Variants in PDE1C observed in about 807,000 individuals in gnomAD.
The protein encoded by PDE1C is dual specificity calcium/calmodulin-dependent 3',5'-cyclic nucleotide phosphodiesterase 1C.
In PDE1C, 62 loss-of-function variants were observed where a neutral mutation model predicts 93.1. That is an observed-to-expected ratio of 0.67 (90% CI 0.54 to 0.82). PDE1C has a LOEUF of 0.82. Ranked by LOEUF, PDE1C falls within the 40% of genes least tolerant of loss-of-function variation. PDE1C has a pLI of 0.00. For missense variants in PDE1C, 742 were observed against 884.6 expected (o/e 0.84, Z 2.04); for synonymous variants, 325 against 310.1 (o/e 1.05, Z -0.50).
intron 1 of PDE1C, among the ~76,000 whole-genome samples, chr7:32,324,634 G>T (rs2128074589): frequency 6.6e-6 from 1 of 152,336 alleles, no homozygotes; most frequent in Non-Finnish European, 1.5e-5. Flanking sequence ...TCTTACCACA[G>T]AACTCCTCAG....
At chr7:31,623,364 T>G in the PDE1C span, among the ~76,000 whole-genome samples, 1 of 151,880 alleles carries the variant, frequency 6.6e-6, no homozygotes, top group African/African-American at 2.4e-5. Flanking sequence ...AATAAAACAC[T>G]GGCAAACCGA....
At chr7:31,988,991 T>C (rs1398005626) in intron 2 of PDE1C, among the ~76,000 whole-genome samples, 7 of 83,832 alleles carry the variant, frequency 8.4e-5, no homozygotes, top group East Asian at 7.3e-4. Context: ...GTGAAACTTC[T>C]TCTCAAAAAA....
At chr7:31,907,477 T>C (rs1800744786) in intron 2 of PDE1C, among the ~76,000 whole-genome samples, 1 of 152,208 alleles carries the variant, frequency 6.6e-6, no homozygotes, top group Admixed American at 6.5e-5. Flanking sequence ...GAGGTTGTTC[T>C]GTCTGTGAGC....
intron 2 of PDE1C, among the ~76,000 whole-genome samples, chr7:31,920,123 A>G (rs2128956805): frequency 6.6e-6 from 1 of 152,236 alleles, no homozygotes; most frequent in East Asian, 1.9e-4. Flanking sequence ...CATTCAGACA[A>G]GGGCTAGGGT....
At chr7:32,234,909 A>G (rs1807962594) in intron 1 of PDE1C, among the ~76,000 whole-genome samples, 1 of 152,042 alleles carries the variant, frequency 6.6e-6, no homozygotes. Flanking sequence ...AATATAAACA[A>G]ACAGGTAGGG....
intron 2 of PDE1C, among the ~76,000 whole-genome samples, chr7:32,182,029 C>G (rs1277685549): frequency 6.6e-6 from 1 of 152,192 alleles, no homozygotes; most frequent in Non-Finnish European, 1.5e-5. Context: ...CACCTCTACA[C>G]AAATAAACTA....
chr7:31,962,387 T>C (rs893373142), intron 2 of PDE1C, among the ~76,000 whole-genome samples: 7 of 152,218 alleles, frequency 4.6e-5, no homozygotes, highest in Non-Finnish European at 8.8e-5. Context: ...GTTTGGTATA[T>C]GTCAGACCAT....
chr7:32,410,338 T>C (rs1170479060), intron 1 of PDE1C, among the ~76,000 whole-genome samples: 2 of 108,192 alleles, frequency 1.8e-5, no homozygotes. Context: ...TCTCTGAATT[T>C]AAAAGAAGAG....
chr7:32,414,830 TA>T (rs11438774), intron 1 of PDE1C, among the ~76,000 whole-genome samples: 109 of 138,784 alleles, frequency 7.9e-4, no homozygotes, highest in Admixed American at 1.9e-3. Context: ...ATGCCAATGA[TA>T]AAAAAAAAAA....
At chr7:31,907,461 T>C (rs973401771) in intron 2 of PDE1C, among the ~76,000 whole-genome samples, 1 of 152,174 alleles carries the variant, frequency 6.6e-6, no homozygotes, top group African/African-American at 2.4e-5. Context: ...TTATATGAAC[T>C]ACTGTGAGGT....
intron 1 of PDE1C, among the ~76,000 whole-genome samples, chr7:32,336,431 A>T (rs1783627237): frequency 6.6e-6 from 1 of 152,212 alleles, no homozygotes; most frequent in South Asian, 2.1e-4. Flanking sequence ...TATGTCAAAT[A>T]AATGTGTAAA....
intron 16 of PDE1C, chr7:31,788,778 G>A (rs1431717510): frequency 6.6e-6 from 1 of 152,166 alleles, no homozygotes; most frequent in Non-Finnish European, 1.5e-5. Flanking sequence ...AAGGCAAAAT[G>A]TAAAGCTGAC....
At chr7:31,856,911 T>C (rs998232659) in intron 7 of PDE1C, among the ~76,000 whole-genome samples, 4 of 152,118 alleles carry the variant, frequency 2.6e-5, no homozygotes, top group African/African-American at 9.7e-5. Flanking sequence ...AGGACTGTTT[T>C]CTCCTGAGAC....
chr7:31,789,572 A>G, intron 16 of PDE1C: 1 of 778,472 alleles, frequency 1.3e-6, no homozygotes, highest in Non-Finnish European at 1.6e-6. Context: ...CAGAGAAAAT[A>G]AATTAGCCAT....
At chr7:31,627,443 C>T in the PDE1C span, among the ~76,000 whole-genome samples, 12 of 151,938 alleles carry the variant, frequency 7.9e-5, no homozygotes, top group East Asian at 1.9e-4. Flanking sequence ...GGATCACTGA[C>T]GCCCAGGAGT....
At chr7:32,247,237 C>T (rs756605076) in intron 1 of PDE1C, among the ~76,000 whole-genome samples, 3 of 149,832 alleles carry the variant, frequency 2.0e-5, no homozygotes, top group Admixed American at 6.7e-5. Context: ...AGGTTTTGTG[C>T]GAATTGAAGC....
chr7:32,091,217 TCAGA>T (rs927646958), intron 3 of PDE1C, among the ~76,000 whole-genome samples: 2 of 152,178 alleles, frequency 1.3e-5, no homozygotes, highest in Non-Finnish European at 1.5e-5. Flanking sequence ...CTTATACAAA[TCAGA>T]CAGGGAATAA....
intron 1 of PDE1C, among the ~76,000 whole-genome samples, chr7:32,421,672 T>C (rs1281382600): frequency 1.3e-5 from 2 of 152,150 alleles, no homozygotes; most frequent in African/African-American, 2.4e-5. Context: ...CTGCAAGTGA[T>C]CTAGGATAAA....
At chr7:31,983,339 A>G (rs978901827) in intron 2 of PDE1C, among the ~76,000 whole-genome samples, 14 of 152,306 alleles carry the variant, frequency 9.2e-5, no homozygotes, top group African/African-American at 3.4e-4. Flanking sequence ...AGGAAATGAG[A>G]CCCAAATCAG....
Sources: allele counts gnomAD v4.1 joint callset (sites outside exome capture counted in the v4.1 genomes callset), GRCh38; gene constraint gnomAD v4.1.1; transcripts MANE v1.5; gene names NCBI Gene and HGNC (gene_info 2026-07-23, HGNC 2026-07-21).